SUDS3: variants seen among roughly 807,000 people sequenced by gnomAD.
The protein encoded by SUDS3 is sin3 histone deacetylase corepressor complex component SDS3.
A neutral mutation model predicts 53.5 loss-of-function variants in SUDS3; 23 were observed. That is an observed-to-expected ratio of 0.43 (90% CI 0.31 to 0.61). The LOEUF is 0.61. SUDS3 is among the 20% of genes least tolerant of loss of function. The pLI is 0.10. For missense variants in SUDS3, 291 were observed against 405.9 expected, an observed-to-expected ratio of 0.72 and a Z score of 2.43; for synonymous variants, 150 against 148.5, an observed-to-expected ratio of 1.01 and a Z score of -0.08.
At chr12:118,386,585 G>A (rs1457558246) in intron 4 of SUDS3, among the ~76,000 whole-genome samples, 5 of 152,040 alleles carry the variant, frequency 3.3e-5, no homozygotes, top group Admixed American at 2.0e-4. Flanking sequence ...GGATTGGGGA[G>A]GGTCTTCTTG....
intron 6 of SUDS3, among the ~76,000 whole-genome samples, chr12:118,394,296 A>G (rs2046194616): frequency 6.6e-6 from 1 of 152,154 alleles, no homozygotes; most frequent in South Asian, 2.1e-4. Context: ...CAGAGTGAAC[A>G]CTCAGGGATT....
intron 4 of SUDS3, among the ~76,000 whole-genome samples, chr12:118,387,539 A>G (rs141869388): frequency 1.1e-4 from 16 of 151,854 alleles, no homozygotes; most frequent in Admixed American, 3.3e-4. Flanking sequence ...CAGACTCTCA[A>G]TCATGTCCTC....
intron 5 of SUDS3, 143 bp from the exon 6 acceptor site, chr12:118,390,983 T>G (rs773863632): frequency 8.4e-6 from 8 of 952,432 alleles, no homozygotes; most frequent in African/African-American, 6.4e-5. Context: ...CTGGAAAGCT[T>G]GTTCTCAGAC....
intron 2 of SUDS3, among the ~76,000 whole-genome samples, chr12:118,382,317 A>G (rs893233253): frequency 5.3e-5 from 8 of 150,932 alleles, no homozygotes; most frequent in Non-Finnish European, 1.0e-4. Context: ...CATCGTGTTG[A>G]GATTACAGGC....
chr12:118,388,451 G>C (rs981699370), intron 4 of SUDS3, among the ~76,000 whole-genome samples: 20 of 152,200 alleles, frequency 1.3e-4, no homozygotes, highest in Admixed American at 9.8e-4. Context: ...ACCCAGGAAA[G>C]AGTAGAAGCC....
rs2046412174 is a variant in SUDS3, at chr12:118,417,585, C to T, written c.*3152C>T. 6.6e-6 allele frequency: 1 copy of T among 151,704 alleles called. No individual in the cohort carries two copies. The highest frequency in any genetic ancestry group is 2.4e-5 in the African/African-American group (1 of 41,260). 9.4% of individuals were successfully genotyped at this position (151,704 alleles called of 1,614,324 possible). A position where few individuals can be genotyped will look rare whatever the true frequency, so the allele number is the denominator to read the frequency against. On this transcript the variant is annotated 3_prime_UTR_variant, in exon 12 of 12. Transcript: ENST00000543473. ...TGCCAGAACATGGTAAATTTGCAGCCATTTCAAGCAGGTGATGGTCTTTTT... is the reference window on the plus strand; with the variant it reads ...TGCCAGAACATGGTAAATTTGCAGCTATTTCAAGCAGGTGATGGTCTTTTT...
At chr12:118,391,404 CAT>C in intron 6 of SUDS3, 122 bp downstream of exon 6, 2 of 1,155,696 alleles carry the variant, frequency 1.7e-6, no homozygotes, top group Non-Finnish European at 2.5e-6. Context: ...GTTTTGACCT[CAT>C]AGATCAGAGT....
intron 9 of SUDS3, among the ~76,000 whole-genome samples, 154 bp from the exon 10 acceptor site, chr12:118,403,258 A>G (rs1328362303): frequency 6.6e-6 from 1 of 152,222 alleles, no homozygotes; most frequent in Non-Finnish European, 1.5e-5. Flanking sequence ...GATGGAATAT[A>G]CAAGAGTTTT....
intron 1 of SUDS3, 45 bp from the exon 2 acceptor site, chr12:118,380,117 G>C: frequency 6.6e-7 from 1 of 1,523,774 alleles, no homozygotes; most frequent in Non-Finnish European, 9.0e-7. Context: ...CGCCAACTCC[G>C]TGAATTATGA....
chr12:118,391,125 G>C lies in SUDS3; in HGVS notation c.361-1G>C. ...CCAGCCCGTGTTTCTCTTTTGCTCA[G>C]ACTGAACAAGTGGAACGAAATTACA... On this transcript the variant is annotated splice_acceptor_variant, in intron 5 of 11. Transcript: ENST00000543473. LOFTEE classifies it high-confidence loss of function. 1 of 1,612,738 alleles carries C rather than the reference G, an allele frequency of 6.2e-7. No homozygotes were observed. The highest frequency in any genetic ancestry group is 1.3e-5 in the African/African-American group (1 of 74,802).
chr12:118,396,339 T>A (rs1288695242), intron 6 of SUDS3, among the ~76,000 whole-genome samples: 2 of 152,154 alleles, frequency 1.3e-5, no homozygotes, highest in Non-Finnish European at 2.9e-5. Flanking sequence ...CACTGCAACC[T>A]CTGCCTCCTG....
At position 118,376,814 on chromosome 12, in the gene SUDS3, G is replaced by A. The variant is rs761906753; in HGVS notation, c.123G>A (p.Arg41=). 2.6e-6 allele frequency: 4 copies of A among 1,548,408 alleles called. No homozygotes were observed. Among genetic ancestry groups the A allele is most frequent in the South Asian group, 2.4e-5 (2 of 83,782 alleles). Residue 41 remains arginine, a synonymous_variant, in exon 1 of 12, where the codon CGG becomes CGA. Transcript: ENST00000543473. Reference sequence around the variant, plus strand: ...CCGAGGACGACGAGCGCAGCTGTCGGGGCCGCGAGTCGGACGAAGGTGAGT... The same window carrying A: ...CCGAGGACGACGAGCGCAGCTGTCGAGGCCGCGAGTCGGACGAAGGTGAGT... ...ESAEDDERSC[R]GRESDEDTED... is the part of the protein sequence containing the mutation.
intron 2 of SUDS3, among the ~76,000 whole-genome samples, chr12:118,381,163 G>A (rs2046055360): frequency 6.6e-6 from 1 of 152,094 alleles, no homozygotes; most frequent in Admixed American, 6.5e-5. Context: ...CGATTGAAAA[G>A]CAGGCTGCTG....
At chr12:118,410,459 C>CT (rs1356377854) in intron 10 of SUDS3, among the ~76,000 whole-genome samples, 1 of 152,146 alleles carries the variant, frequency 6.6e-6, no homozygotes, top group Non-Finnish European at 1.5e-5. Flanking sequence ...TTTTCCAACA[C>CT]TTTCCTCAGC....
chr12:118,378,107 G>T (rs1043388489), intron 1 of SUDS3, among the ~76,000 whole-genome samples: 5 of 151,962 alleles, frequency 3.3e-5, no homozygotes, highest in Non-Finnish European at 5.9e-5. Flanking sequence ...AGCCAAAATT[G>T]AGTTTTTTTT....
intron 6 of SUDS3, among the ~76,000 whole-genome samples, chr12:118,396,149 G>T (rs1224141840): frequency 6.6e-6 from 1 of 152,180 alleles, no homozygotes; most frequent in Non-Finnish European, 1.5e-5. Flanking sequence ...TCCCTGCCCT[G>T]GTTTGGAGGT....
chr12:118,396,533 G>A (rs1222316985), intron 6 of SUDS3, among the ~76,000 whole-genome samples: 1 of 152,192 alleles, frequency 6.6e-6, no homozygotes, highest in Non-Finnish European at 1.5e-5. Context: ...GGCATTACAG[G>A]CGTCAGCCAT....
intron 6 of SUDS3, among the ~76,000 whole-genome samples, chr12:118,394,236 A>G (rs2046194128): frequency 6.6e-6 from 1 of 152,124 alleles, no homozygotes; most frequent in East Asian, 1.9e-4. Flanking sequence ...GGTAGATGTG[A>G]CGTGAGATGA....
At chr12:118,386,507 G>A (rs1003597505) in intron 4 of SUDS3, among the ~76,000 whole-genome samples, 12 of 152,110 alleles carry the variant, frequency 7.9e-5, no homozygotes, top group African/African-American at 2.2e-4. Context: ...TCAGAAGTGC[G>A]GATGAGGAAA....
Sources: gnomAD v4.1 joint callset for allele counts (sites outside exome capture counted in the v4.1 genomes callset) on GRCh38, gnomAD v4.1.1 for gene constraint, MANE v1.5 for transcripts, NCBI Gene and HGNC (gene_info 2026-07-23, HGNC 2026-07-21) for gene names.